Variants in PCDHGB5 observed in about 807,000 individuals in gnomAD.
The protein encoded by PCDHGB5 is protocadherin gamma subfamily B, 5, also known as protocadherin gamma-B5.
In PCDHGB5, 48 loss-of-function variants were observed where a neutral mutation model predicts 62.9. The ratio of observed to expected loss-of-function variants is 0.76; its 90% CI spans 0.61 to 0.97. PCDHGB5 has a LOEUF of 0.97. PCDHGB5 is among the 50% of genes least tolerant of loss of function. The pLI is 0.00. For synonymous variants in PCDHGB5, 474 were observed against 511.2 expected, an observed-to-expected ratio of 0.93 and a Z score of 0.98; for missense variants, 1,118 against 1,198.6, an observed-to-expected ratio of 0.93 and a Z score of 0.99.
intron 1 of PCDHGB5, among the ~76,000 whole-genome samples, chr5:141,488,118 A>G (rs1054356891): frequency 2.7e-4 from 41 of 152,190 alleles, no homozygotes; most frequent in Non-Finnish European, 2.9e-5. Context: ...AAACATAGAG[A>G]CAGCAGAAAG....
Position 141,413,476 on chromosome 5 carries a change from G to T in PCDHGB5, c.2397+12952G>T, listed in dbSNP as rs566734719. 2.1e-5 allele frequency: 34 copies of T among 1,614,004 alleles called. No homozygotes were observed. The South Asian group carries it at 3.7e-4, about 18-fold the overall frequency. ...CAGGATAGACCGGGAGGAGCTCTGC[G>T]CTCAGAGCGCGCGGTGCGTGGTGAG... On this transcript the variant is annotated intron_variant, in intron 1 of 3. Coordinates refer to ENST00000617380, the MANE Select transcript of PCDHGB5 (RefSeq NM_018925.3).
chr5:141,422,873 T>C (rs1474438774), intron 1 of PCDHGB5: 1 of 1,614,158 alleles, frequency 6.2e-7, no homozygotes, highest in Admixed American at 1.7e-5. Flanking sequence ...AACGTGTCGC[T>C]GAGCCTGTTC....
At chr5:141,408,205 G>A (rs1222360149) in intron 1 of PCDHGB5, 2 of 1,551,762 alleles carry the variant, frequency 1.3e-6, no homozygotes, top group Non-Finnish European at 1.7e-6. Context: ...AGCGAACGAT[G>A]GGAGGGAGCT....
chr5:141,497,122 G>A (rs1407489807), intron 2 of PCDHGB5, among the ~76,000 whole-genome samples: 1 of 151,992 alleles, frequency 6.6e-6, no homozygotes, highest in East Asian at 1.9e-4. Flanking sequence ...GAAGGCAGAG[G>A]TTGCAGTGAG....
At position 141,476,033 on chromosome 5, in the gene PCDHGB5, C is replaced by T; in HGVS notation, c.2398-18774C>T. On this transcript the variant is annotated intron_variant, in intron 1 of 3. Transcript: ENST00000617380. The surrounding 1 kb of genome is among the most constrained non-coding windows in gnomAD (Gnocchi z 7.6). The stretch of plus-strand genomic sequence containing the variant: ...GCCATGTCGGACTCGGCGCCCAGCG[C>T]CCAAGCGCTAACCCGCTGAAAGTTT... 6.8e-7 allele frequency: 1 copy of T among 1,469,590 alleles called. No individual in the cohort carries two copies. Among genetic ancestry groups the T allele is most frequent in the Non-Finnish European group, 9.0e-7 (1 of 1,105,326 alleles). 91.0% of individuals were successfully genotyped at this position (1,469,590 alleles called of 1,614,324 possible). A position where few individuals can be genotyped will look rare whatever the true frequency, so the allele number is the denominator to read the frequency against.
Position 141,424,165 on chromosome 5 carries a change from A to G in PCDHGB5, c.2397+23641A>G, listed in dbSNP as rs1328883463. 2.8e-5 allele frequency: 7 copies of G among 251,918 alleles called. No individual in the cohort carries two copies. The South Asian group carries it at 4.6e-4, about 17-fold the overall frequency. The allele number at this position is 251,918 out of a possible 1,614,324, so 15.6% of individuals were successfully genotyped here. On this transcript the variant is annotated intron_variant, in intron 1 of 3. Transcript: ENST00000617380. Reference sequence around the variant, plus strand: ...CTCCCTCTAGCTCTCCTTCTCATCTATCTATCTATACACATGCACACACAC... The same window carrying G: ...CTCCCTCTAGCTCTCCTTCTCATCTGTCTATCTATACACATGCACACACAC...
chr5:141,445,249 G>T (rs1337658576), intron 1 of PCDHGB5, among the ~76,000 whole-genome samples: 2 of 152,170 alleles, frequency 1.3e-5, no homozygotes, highest in Non-Finnish European at 2.9e-5. Context: ...ACTATATTGT[G>T]TGAGAATATA....
chr5:141,436,393 A>G (rs560164691), intron 1 of PCDHGB5, among the ~76,000 whole-genome samples: 2 of 152,342 alleles, frequency 1.3e-5, no homozygotes, highest in South Asian at 4.1e-4. Context: ...GCTTTATTAA[A>G]TAGTTGTTGA....
chr5:141,405,319 GC>G, intron 1 of PCDHGB5: 1 of 1,614,176 alleles, frequency 6.2e-7, no homozygotes, highest in Non-Finnish European at 8.5e-7. Context: ...AGAAAAATGA[GC>G]CTTTGTGCGT....
In PCDHGB5 at chr5:141,422,749, A is replaced by G. The variant is rs202046219; in HGVS notation, c.2397+22225A>G. Reference sequence around the variant, plus strand: ...GGTGCCTCTGTCCTCCTATGTCTCTATTAACTCCAACACTGGTGTTCTCTA... The same window carrying G: ...GGTGCCTCTGTCCTCCTATGTCTCTGTTAACTCCAACACTGGTGTTCTCTA... On this transcript the variant is annotated intron_variant, in intron 1 of 3. Coordinates refer to ENST00000617380, the MANE Select transcript of PCDHGB5 (RefSeq NM_018925.3). 269 of 1,611,644 alleles carry G rather than the reference A, an allele frequency of 1.7e-4. 1 individual carries two copies. The African/African-American group carries it at 3.3e-3, about 20-fold the overall frequency.
chr5:141,420,673 A>T (rs1244699899), intron 1 of PCDHGB5, among the ~76,000 whole-genome samples: 5 of 152,208 alleles, frequency 3.3e-5, no homozygotes, highest in Admixed American at 3.3e-4. Flanking sequence ...CTACCTGATG[A>T]TTTTATCGGG....
At chr5:141,428,290 C>A in intron 1 of PCDHGB5, 1 of 726,802 alleles carries the variant, frequency 1.4e-6, no homozygotes, top group Non-Finnish European at 2.4e-6. Context: ...CCAAGCAAAG[C>A]TGCAGATTTA....
At chr5:141,468,191 G>A (rs1420885521) in intron 1 of PCDHGB5, among the ~76,000 whole-genome samples, 1 of 151,860 alleles carries the variant, frequency 6.6e-6, no homozygotes, top group African/African-American at 2.4e-5. Flanking sequence ...TGGGCATGGT[G>A]GCGGGTGCCT....
Position 141,454,796 on chromosome 5 carries a change from A to ATTT in PCDHGB5, c.2398-39984_2398-39982dup, listed in dbSNP as rs61612330. 3.3e-3 allele frequency among the ~76,000 whole-genome samples: 253 copies of ATTT among 77,450 alleles called. 31 individuals carry two copies. The highest frequency in any genetic ancestry group is 0.02 in the South Asian group (39 of 1,960). The allele number at this position is 77,450 out of a possible 152,430, so 50.8% of individuals were successfully genotyped here. ...AAGGAAATAATCCTCCATGGTTCTA[A>ATTT]TTTTTTTTTTTTTTTTTTTTTTTTT... On this transcript the variant is annotated intron_variant, in intron 1 of 3. Coordinates refer to ENST00000617380, the MANE Select transcript of PCDHGB5 (RefSeq NM_018925.3).
intron 1 of PCDHGB5, among the ~76,000 whole-genome samples, chr5:141,472,039 A>T (rs913132856): frequency 1.3e-5 from 2 of 152,200 alleles, no homozygotes; most frequent in Non-Finnish European, 2.9e-5. Context: ...AGCTGTGAAA[A>T]GATTTTAAAA....
At chr5:141,423,755 GGGGGGT>G in intron 1 of PCDHGB5, 4 of 512,470 alleles carry the variant, frequency 7.8e-6, no homozygotes, top group Non-Finnish European at 1.0e-5. Context: ...CTGTTTGGGG[GGGGGGT>G]GGGGCGGCAT....
At chr5:141,403,590 C>A (rs770895828) in intron 1 of PCDHGB5, 7 of 1,613,866 alleles carry the variant, frequency 4.3e-6, no homozygotes, top group Non-Finnish European at 5.1e-6. Context: ...CTGGTCCTCA[C>A]GGCCTCGGAT....
chr5:141,453,099 C>CT (rs568622146), intron 1 of PCDHGB5, among the ~76,000 whole-genome samples: 1 of 151,962 alleles, frequency 6.6e-6, no homozygotes, highest in East Asian at 1.9e-4. Flanking sequence ...TTTTCTGTTG[C>CT]TTTTTTGTTT....
chr5:141,416,745 C>T (rs186830862), intron 1 of PCDHGB5: 5 of 152,194 alleles, frequency 3.3e-5, no homozygotes, highest in South Asian at 2.1e-4. Flanking sequence ...AAAATAGTGA[C>T]GTATTAGGTA....
Sources: allele counts gnomAD v4.1 joint callset (sites outside exome capture counted in the v4.1 genomes callset), GRCh38; gene constraint gnomAD v4.1.1; non-coding constraint Gnocchi (gnomAD v3.1); transcripts MANE v1.5; gene names NCBI Gene and HGNC (gene_info 2026-07-23, HGNC 2026-07-21).